EPHA6: variants seen among roughly 807,000 people sequenced by gnomAD.
The protein encoded by EPHA6 is EPH receptor A6, also known as ephrin type-A receptor 6.
EPHA6 carries 50 observed loss-of-function variants against 112.0 expected under a neutral mutation model. The observed-to-expected ratio is 0.45, with a 90% CI of 0.36 to 0.56. The LOEUF (loss-of-function observed/expected upper bound fraction) is 0.56. EPHA6 is among the 20% of genes least tolerant of loss of function. The probability of loss-of-function intolerance (pLI) is 0.00; values close to 1 mark genes in which losing one functional copy is unlikely to be tolerated. For missense variants in EPHA6, 1,280 were observed against 1,417.4 expected, an observed-to-expected ratio of 0.90 and a Z score of 1.56; for synonymous variants, 529 against 490.7, an observed-to-expected ratio of 1.08 and a Z score of -1.03.
intron 11 of EPHA6, among the ~76,000 whole-genome samples, chr3:97,533,951 G>T (rs1292238935): frequency 1.3e-5 from 2 of 152,088 alleles, no homozygotes; most frequent in African/African-American, 4.8e-5. Flanking sequence ...AAGGAACCAT[G>T]CACCTCCATC....
chr3:97,228,949 AT>A (rs1345463256), intron 4 of EPHA6, among the ~76,000 whole-genome samples: 1 of 151,974 alleles, frequency 6.6e-6, no homozygotes, highest in African/African-American at 2.4e-5. Flanking sequence ...TGTGGTTTTG[AT>A]TTGCATTTCC....
At chr3:97,584,946 G>A (rs895179045) in intron 11 of EPHA6, among the ~76,000 whole-genome samples, 8 of 152,220 alleles carry the variant, frequency 5.3e-5, no homozygotes, top group Admixed American at 3.3e-4. Flanking sequence ...GTTAGTGAAT[G>A]GTAGAGTCAG....
chr3:96,815,131 G>A, intron 1 of EPHA6, 123 bp downstream of exon 1: 1 of 946,650 alleles, frequency 1.1e-6, no homozygotes, highest in Non-Finnish European at 1.5e-6. Flanking sequence ...CTCGCCACAC[G>A]AGGGGATCGA....
At chr3:97,720,851 G>A (rs538580491) in intron 15 of EPHA6, among the ~76,000 whole-genome samples, 24 of 152,274 alleles carry the variant, frequency 1.6e-4, no homozygotes, top group African/African-American at 5.3e-4. Context: ...ATCAATATGT[G>A]CCATCTAGTA....
At chr3:97,302,968 A>G (rs1032060714) in intron 5 of EPHA6, among the ~76,000 whole-genome samples, 1 of 151,994 alleles carries the variant, frequency 6.6e-6, no homozygotes, top group Admixed American at 6.6e-5. Flanking sequence ...TGTGATAAAA[A>G]TAATGACTTC....
intron 14 of EPHA6, among the ~76,000 whole-genome samples, chr3:97,702,827 T>G (rs1371140515): frequency 6.6e-6 from 1 of 152,102 alleles, no homozygotes; most frequent in Non-Finnish European, 1.5e-5. Flanking sequence ...TATTAAAATG[T>G]CTAGGATGTT....
chr3:97,345,378 G>T (rs115161334), intron 5 of EPHA6, among the ~76,000 whole-genome samples: 3,080 of 152,264 alleles, frequency 0.02, 99 homozygotes, highest in African/African-American at 0.07. Flanking sequence ...ATGCTGATAT[G>T]AGGTACTTTG....
intron 14 of EPHA6, among the ~76,000 whole-genome samples, chr3:97,671,238 A>G (rs540981349): frequency 6.6e-6 from 1 of 152,168 alleles, no homozygotes; most frequent in African/African-American, 2.4e-5. Flanking sequence ...TTTGAGATAT[A>G]ATGACAAGTT....
chr3:97,376,437 T>C (rs1021979352), intron 5 of EPHA6, among the ~76,000 whole-genome samples: 7 of 152,100 alleles, frequency 4.6e-5, no homozygotes, highest in East Asian at 1.9e-4. Context: ...ACAAATCACA[T>C]ACGAAAACAA....
rs538017877 is a variant in EPHA6, at chr3:97,191,643, AC to A, written c.1115-34620del. Among the ~76,000 whole-genome samples, 77 of 152,200 alleles carry A rather than the reference AC, an allele frequency of 5.1e-4. 2 individuals are homozygous for A. The East Asian group carries it at 0.013, about 26-fold the overall frequency. On this transcript the variant is annotated intron_variant, in intron 3 of 17. Transcript: ENST00000389672. ...AGTTCCATCTATGTTGTTGCAAGTG[AC>A]AGAATCTCATTTTCTTTCACGGCTG...
intron 7 of EPHA6, among the ~76,000 whole-genome samples, chr3:97,465,288 A>G (rs559994825): frequency 1.3e-5 from 2 of 152,226 alleles, no homozygotes; most frequent in East Asian, 3.9e-4. Flanking sequence ...AATATGCATA[A>G]GTAAACAATC....
chr3:97,738,345 A>C (rs1434788268), intron 16 of EPHA6, among the ~76,000 whole-genome samples: 2 of 152,046 alleles, frequency 1.3e-5, no homozygotes, highest in African/African-American at 4.8e-5. Context: ...GAAATCCTTT[A>C]ATCTGGGCCC....
intron 13 of EPHA6, among the ~76,000 whole-genome samples, chr3:97,628,907 A>C (rs531547226): frequency 2.6e-4 from 40 of 152,062 alleles, no homozygotes; most frequent in African/African-American, 9.4e-4. Context: ...GAAAAGAAGA[A>C]AATTGCATTT....
intron 5 of EPHA6, among the ~76,000 whole-genome samples, chr3:97,320,768 C>T (rs867062740): frequency 1.4e-5 from 2 of 144,520 alleles, no homozygotes; most frequent in South Asian, 2.1e-4. Context: ...CTGTTTCTGA[C>T]CTTGATGGGG....
intron 1 of EPHA6, among the ~76,000 whole-genome samples, chr3:96,816,397 A>G (rs1278467327): frequency 1.3e-5 from 2 of 152,144 alleles, no homozygotes; most frequent in East Asian, 3.9e-4. Flanking sequence ...ATATACCATC[A>G]CACTACATCC....
chr3:97,579,140 C>A (rs1051654295), intron 11 of EPHA6, among the ~76,000 whole-genome samples: 19 of 152,176 alleles, frequency 1.2e-4, no homozygotes, highest in Admixed American at 2.6e-4. Context: ...TCTCCAAACT[C>A]AAGGTTTGTG....
At chr3:97,286,638 C>A (rs998918292) in intron 5 of EPHA6, among the ~76,000 whole-genome samples, 3 of 151,794 alleles carry the variant, frequency 2.0e-5, no homozygotes, top group African/African-American at 7.3e-5. Context: ...GGTACCAAAG[C>A]CATATACTAC....
intron 3 of EPHA6, among the ~76,000 whole-genome samples, chr3:97,197,458 A>G (rs1252669417): frequency 6.6e-6 from 1 of 151,874 alleles, no homozygotes; most frequent in Non-Finnish European, 1.5e-5. Flanking sequence ...GGGTGTGTCG[A>G]GAAATGTCAT....
intron 5 of EPHA6, among the ~76,000 whole-genome samples, chr3:97,314,798 G>A (rs1451470627): frequency 6.6e-6 from 1 of 151,568 alleles, no homozygotes; most frequent in Non-Finnish European, 1.5e-5. Context: ...AAAGGTTGAT[G>A]AGAACAGTTT....
Sources: allele counts gnomAD v4.1 joint callset (sites outside exome capture counted in the v4.1 genomes callset), GRCh38; gene constraint gnomAD v4.1.1; transcripts MANE v1.5; gene names NCBI Gene and HGNC (gene_info 2026-07-23, HGNC 2026-07-21).